Variants in TJP1 observed in about 807,000 individuals in gnomAD.
The protein encoded by TJP1 is tight junction protein 1.
In TJP1, 43 loss-of-function variants were observed where a neutral mutation model predicts 194.2. The ratio of observed to expected loss-of-function variants is 0.22; its 90% CI spans 0.17 to 0.29. The LOEUF is 0.29. Among genes scored for constraint, TJP1 ranks in the 10% least tolerant of loss-of-function variants. The pLI is 1.00. For synonymous variants in TJP1, 801 were observed against 779.0 expected (o/e 1.03, Z -0.47); for missense variants, 1,971 against 2,185.7 (o/e 0.90, Z 1.96).
Position 29,801,901 on chromosome 15 carries a change from C to CA in TJP1, c.28-1200dup, listed in dbSNP as rs969121314. On this transcript the variant is annotated intron_variant, in intron 1 of 27. Coordinates refer to ENST00000614355, the MANE Select transcript of TJP1 (RefSeq NM_001330239.4). ...GCTGATGAGCTTAAAAAAAAAATTA[C>CA]AAAAAAAAAAATCTCATAATGTTGT... Among the ~76,000 whole-genome samples the CA allele has an allele frequency of 3.5e-3, 516 of 145,370 alleles. 6 individuals carry two copies. Among genetic ancestry groups the CA allele is most frequent in the Non-Finnish European group, 2.7e-3 (180 of 65,748 alleles).
At position 29,701,657 on chromosome 15, in the gene TJP1, G is replaced by A. The variant is rs1424072980; in HGVS notation, c.5245C>T (p.Pro1749Ser). 1.2e-6 allele frequency: 2 copies of A among 1,614,110 alleles called. No homozygotes were observed. The highest frequency in any genetic ancestry group is 1.7e-6 in the Non-Finnish European group (2 of 1,179,998). ...CCAACGAGATAATTTGGATCTCCGG[G>A]AAGACACTTGTTTTGCCAGGTTTTA... is the stretch of plus-strand genomic sequence containing the variant. ...DPKTWQNKCL[P>S]GDPNYLVGAN... Residue 1749 changes from proline (P) to serine (S), a missense_variant, in exon 28 of 28, where the codon CCC becomes TCC. Physicochemically the swap from Pro to Ser is moderately conservative, Grantham distance 74. Transcript: ENST00000614355.
chr15:29,824,445 A>AATCATCATCATC (rs34399157), upstream of TJP1, among the ~76,000 whole-genome samples: 125 of 145,908 alleles, frequency 8.6e-4, no homozygotes, highest in East Asian at 0.017. Context: ...CTCCGTCTCA[A>AATCATCATCATC]ATCATCATCA....
chr15:29,775,951 T>G (rs1221898927), intron 2 of TJP1, among the ~76,000 whole-genome samples: 4 of 152,134 alleles, frequency 2.6e-5, no homozygotes, highest in African/African-American at 7.2e-5. Flanking sequence ...AGAGAAATTG[T>G]GCCAAAACAT....
At position 29,719,764 on chromosome 15, in the gene TJP1, G is replaced by A. The variant is rs765336284; in HGVS notation, c.3003+13C>T. On this transcript the variant is annotated intron_variant, in intron 20 of 27. Transcript: ENST00000614355. Reference sequence around the variant, plus strand: ...GACAGCAACAAATTAGTGCAACACCGCAGCACAGGTACCTTTGTTGGATCT... The same window carrying A: ...GACAGCAACAAATTAGTGCAACACCACAGCACAGGTACCTTTGTTGGATCT... The A allele has an allele frequency of 1.1e-5, 18 of 1,608,666 alleles. No individual in the cohort carries two copies. The highest frequency in any genetic ancestry group is 1.1e-4 in the East Asian group (5 of 44,806).
intron 2 of TJP1, among the ~76,000 whole-genome samples, chr15:29,790,602 T>C (rs1438866427): frequency 6.6e-6 from 1 of 152,218 alleles, no homozygotes. Context: ...TAACGATAGT[T>C]GCCCTATTGT....
Position 29,948,051 on chromosome 15 carries a change from G to A in TJP1, c.306+8181C>T, listed in dbSNP as rs1217021756. 4.6e-5 allele frequency among the ~76,000 whole-genome samples: 7 copies of A among 152,060 alleles called. 1 individual carries two copies. Among genetic ancestry groups the A allele is most frequent in the Admixed American group, 4.6e-4 (7 of 15,264 alleles). The stretch of plus-strand genomic sequence containing the variant: ...GGAGGCCAAGGTGGGCGGATCACGA[G>A]GTCAAGAGATCAAGACCATCCTGGA... On this transcript the variant is annotated intron_variant, in intron 2 of 28. Coordinates refer to the TJP1 transcript ENST00000356107.
intron 1 of TJP1, among the ~76,000 whole-genome samples, chr15:29,810,890 G>A (rs1482637236): frequency 6.6e-6 from 1 of 152,192 alleles, no homozygotes; most frequent in Non-Finnish European, 1.5e-5. Flanking sequence ...CTATGTACTA[G>A]ACACTGTGTT....
At chr15:29,806,693 G>C (rs2049131799) in intron 1 of TJP1, among the ~76,000 whole-genome samples, 1 of 152,144 alleles carries the variant, frequency 6.6e-6, no homozygotes. Context: ...GGACAAGGTA[G>C]GTTTCAGTGA....
At position 29,719,822 on chromosome 15, in the gene TJP1, T is replaced by C. The variant is rs1285079486; in HGVS notation, c.2958A>G (p.Leu986=). 6.2e-7 allele frequency: 1 copy of C among 1,614,198 alleles called. No individual in the cohort carries two copies. The highest frequency in any genetic ancestry group is 1.7e-5 in the Admixed American group (1 of 60,024). Residue 986 remains leucine, a synonymous_variant, in exon 20 of 28, where the codon CTA becomes CTG. Transcript: ENST00000614355. ...ACGACAATGATGGTTCTTGATCTCT[T>C]AGCATTATGTGAGCTGCCTCAGTAC... ...TPSTEAAHIM[L]RDQEPSLSSH... is the part of the protein sequence containing the mutation.
At chr15:29,792,844 C>T (rs889450626) in intron 2 of TJP1, among the ~76,000 whole-genome samples, 1 of 151,940 alleles carries the variant, frequency 6.6e-6, no homozygotes, top group Admixed American at 6.6e-5. Flanking sequence ...TAAGTTTATT[C>T]CTAGGTATTT....
intron 2 of TJP1, among the ~76,000 whole-genome samples, chr15:29,791,581 C>T (rs1451212154): frequency 4.0e-5 from 6 of 151,356 alleles, no homozygotes; most frequent in South Asian, 2.1e-4. Context: ...CCACCACGCT[C>T]GGCTGGTTTC....
chr15:29,953,777 A>C (rs2055843135), intron 2 of TJP1, among the ~76,000 whole-genome samples: 1 of 152,206 alleles, frequency 6.6e-6, no homozygotes, highest in Admixed American at 6.5e-5. Flanking sequence ...CAAAAAACTC[A>C]AATGAATTGC....
At chr15:29,954,136 C>T (rs542411965) in intron 2 of TJP1, among the ~76,000 whole-genome samples, 5 of 152,252 alleles carry the variant, frequency 3.3e-5, no homozygotes, top group East Asian at 1.9e-4. Flanking sequence ...GGAGTGTGTA[C>T]TAACTTCAAC....
intron 4 of TJP1, among the ~76,000 whole-genome samples, chr15:29,769,525 A>C (rs991599401): frequency 1.3e-5 from 2 of 152,202 alleles, no homozygotes; most frequent in African/African-American, 4.8e-5. Flanking sequence ...CGGACTGGAC[A>C]CTGAAATGCC....
At chr15:29,894,144 C>T (rs543941439) in intron 2 of TJP1, among the ~76,000 whole-genome samples, 3 of 152,132 alleles carry the variant, frequency 2.0e-5, no homozygotes, top group Non-Finnish European at 4.4e-5. Context: ...TGTGCACTAC[C>T]TACATATCTG....
At chr15:29,816,009 G>C (rs538454936) in intron 1 of TJP1, among the ~76,000 whole-genome samples, 31 of 150,922 alleles carry the variant, frequency 2.1e-4, no homozygotes, top group African/African-American at 7.1e-4. Context: ...ATTTATTGGT[G>C]TCTTTCCTTT....
At chr15:29,967,765 T>C (rs2056382175) in intron 1 of TJP1, among the ~76,000 whole-genome samples, 1 of 152,242 alleles carries the variant, frequency 6.6e-6, no homozygotes, top group African/African-American at 2.4e-5. Flanking sequence ...CCTCATCTCC[T>C]TTCTCTACAA....
chr15:29,716,493 C>CAA (rs2042569995), intron 23 of TJP1, 118 bp downstream of exon 23: 1 of 749,674 alleles, frequency 1.3e-6, no homozygotes, highest in South Asian at 2.0e-5. Flanking sequence ...CAATGCTGAA[C>CAA]CACTAGAGCC....
At chr15:29,871,284 T>C (rs117210922) in intron 2 of TJP1, among the ~76,000 whole-genome samples, 2 of 152,344 alleles carry the variant, frequency 1.3e-5, no homozygotes, top group East Asian at 3.9e-4. Context: ...ACTATAAAAT[T>C]AGACATATTA....
Sources: allele counts gnomAD v4.1 joint callset (sites outside exome capture counted in the v4.1 genomes callset), GRCh38; gene constraint gnomAD v4.1.1; transcripts MANE v1.5; gene names NCBI Gene and HGNC (gene_info 2026-07-23, HGNC 2026-07-21).